QSOX1: variants seen among roughly 807,000 people sequenced by gnomAD.
The protein encoded by QSOX1 is quiescin sulfhydryl oxidase 1.
QSOX1 carries 40 observed loss-of-function variants against 76.1 expected under a neutral mutation model. The ratio of observed to expected loss-of-function variants is 0.53; its 90% CI spans 0.41 to 0.68. The LOEUF (loss-of-function observed/expected upper bound fraction) is 0.68, where lower values mean the gene tolerates loss of function less well. QSOX1 is among the 30% of genes least tolerant of loss of function. The pLI, the probability that QSOX1 is intolerant of heterozygous loss-of-function variation, is 0.00. For synonymous variants in QSOX1, 392 were observed against 413.1 expected (o/e 0.95, Z 0.62); for missense variants, 931 against 974.3 (o/e 0.96, Z 0.59).
At chr1:180,159,391 C>T (rs963709660) in intron 1 of QSOX1, among the ~76,000 whole-genome samples, 14 of 152,206 alleles carry the variant, frequency 9.2e-5, no homozygotes, top group African/African-American at 3.4e-4. Context: ...TTTGCTTTAA[C>T]AATGGAGCAC....
intron 2 of QSOX1, among the ~76,000 whole-genome samples, chr1:180,171,303 T>C (rs930924112): frequency 2.6e-5 from 4 of 151,978 alleles, no homozygotes; most frequent in African/African-American, 4.8e-5. Flanking sequence ...GTCAAATTCA[T>C]AGGACTTGTC....
Position 180,189,557 on chromosome 1 carries a change from C to T in QSOX1, c.1023C>T (p.Phe341=), listed in dbSNP as rs1334634639. ...KKFVAVLAKY[F]PGRPLVQNFL... is the part of the protein sequence containing the mutation. ...CCGCTTGTTCCTCCCCACAGTATTT[C>T]CCTGGCCGGCCCTTAGTCCAGAACT... The change falls in exon 9 of 12, where the codon TTC becomes TTT. Residue 341 remains phenylalanine, a synonymous_variant. Coordinates refer to ENST00000367602, the MANE Select transcript of QSOX1 (RefSeq NM_002826.5). 1 of 1,599,390 alleles carries T rather than the reference C, an allele frequency of 6.3e-7. No homozygotes were observed. The highest frequency in any genetic ancestry group is 8.5e-7 in the Non-Finnish European group (1 of 1,170,558).
rs1240957113 is a variant in QSOX1, at chr1:180,166,513, C to T, written c.288C>T (p.Leu96=). The T allele has an allele frequency of 1.2e-6, 2 of 1,614,062 alleles. No homozygotes were observed. The highest frequency in any genetic ancestry group is 8.5e-7 in the Non-Finnish European group (1 of 1,179,996). Reference sequence around the variant, plus strand: ...CAGCCTGGAGGCCGGCCCTGTATCTCGCCGCCCTGGACTGTGCTGAGGAGA... The same window carrying T: ...CAGCCTGGAGGCCGGCCCTGTATCTTGCCGCCCTGGACTGTGCTGAGGAGA... The part of the protein sequence containing the change: ...DVKAWRPALY[L]AALDCAEETN... Residue 96 remains leucine (L), a synonymous_variant, in exon 2 of 12, where the codon CTC becomes CTT. Transcript: ENST00000367602.
chr1:180,183,091 G>T (rs1244105721), intron 6 of QSOX1, among the ~76,000 whole-genome samples: 1 of 152,170 alleles, frequency 6.6e-6, no homozygotes, highest in Non-Finnish European at 1.5e-5. Context: ...AAGTGCCAGT[G>T]ATGGTGGGGA....
intron 1 of QSOX1, among the ~76,000 whole-genome samples, chr1:180,164,167 C>G (rs985928110): frequency 1.3e-5 from 2 of 152,156 alleles, no homozygotes; most frequent in African/African-American, 2.4e-5. Flanking sequence ...ACCATACCTG[C>G]CTTTGTGCAG....
chr1:180,179,661 C>G (rs1229280592), intron 5 of QSOX1, among the ~76,000 whole-genome samples: 1 of 152,242 alleles, frequency 6.6e-6, no homozygotes, highest in African/African-American at 2.4e-5. Context: ...GTGGGACGTG[C>G]CAGTGCACGG....
chr1:180,175,940 C>T lies in QSOX1; in HGVS notation c.422C>T (p.Ala141Val), dbSNP rs757492307. The change falls in exon 4 of 12, where the codon GCT becomes GTT. Residue 141 changes from alanine to valine, a missense_variant. Physicochemically the swap from Ala to Val is moderately conservative, Grantham distance 64. Coordinates refer to ENST00000367602, the MANE Select transcript of QSOX1 (RefSeq NM_002826.5). Reference sequence around the variant, plus strand: ...CTGTTTTCATTTACAGTGGCTGGTGCTGACGTGCAGACACTGCGGGAGAGG... The same window carrying T: ...CTGTTTTCATTTACAGTGGCTGGTGTTGACGTGCAGACACTGCGGGAGAGG... ...GSGAVFPVAG[A>V]DVQTLRERLI... is the part of the protein sequence containing the mutation. 1 of 1,591,180 alleles carries T rather than the reference C, an allele frequency of 6.3e-7. No individual in the cohort carries two copies. The highest frequency in any genetic ancestry group is 8.6e-7 in the Non-Finnish European group (1 of 1,169,474).
chr1:180,167,464 G>A (rs1001249237), intron 2 of QSOX1, among the ~76,000 whole-genome samples: 1 of 152,186 alleles, frequency 6.6e-6, no homozygotes, highest in African/African-American at 2.4e-5. Context: ...TCTGAGCTGG[G>A]GGTAGGGGCA....
At chr1:180,192,915 G>C (rs1363516065) in intron 10 of QSOX1, among the ~76,000 whole-genome samples, 2 of 152,278 alleles carry the variant, frequency 1.3e-5, no homozygotes, top group Non-Finnish European at 2.9e-5. Flanking sequence ...GAGGCTGAAC[G>C]GGGGAGGCCA....
intron 1 of QSOX1, among the ~76,000 whole-genome samples, chr1:180,164,724 C>G (rs1331485236): frequency 6.6e-6 from 1 of 152,126 alleles, no homozygotes; most frequent in Non-Finnish European, 1.5e-5. Context: ...TCTGAGACGT[C>G]GTAAGGAGTA....
intron 2 of QSOX1, among the ~76,000 whole-genome samples, chr1:180,170,040 G>A (rs1662725548): frequency 6.6e-6 from 1 of 152,196 alleles, no homozygotes; most frequent in Non-Finnish European, 1.5e-5. Flanking sequence ...AGGGCGAGGT[G>A]GCGTGTTGAG....
At position 180,199,975 on chromosome 1, in the gene QSOX1, C is replaced by G. The variant is rs1389978368; in HGVS notation, c.*2938C>G. The stretch of plus-strand genomic sequence containing the variant: ...GAAGACCCCTGATGCAGCCTGTCCT[C>G]TGGGTGTGGGGGTGGAGGAGAGGGC... On this transcript the variant is annotated 3_prime_UTR_variant, in exon 12 of 12. Transcript: ENST00000367602. 6.6e-6 allele frequency: 1 copy of G among 151,736 alleles called. No homozygotes were observed. The highest frequency in any genetic ancestry group is 2.0e-4 in the East Asian group (1 of 5,116). 9.4% of individuals were successfully genotyped at this position (151,736 alleles called of 1,614,324 possible). A position where few individuals can be genotyped will look rare whatever the true frequency, so the allele number is the denominator to read the frequency against.
At chr1:180,170,782 G>T (rs998837595) in intron 2 of QSOX1, among the ~76,000 whole-genome samples, 1 of 152,210 alleles carries the variant, frequency 6.6e-6, no homozygotes, top group Non-Finnish European at 1.5e-5. Context: ...ATTTCCGCAT[G>T]GGCTTCCAGC....
In QSOX1 at chr1:180,196,354, G is replaced by A. The variant is rs777266980; in HGVS notation, c.1561G>A (p.Val521Met). The A allele has an allele frequency of 1.4e-5, 23 of 1,614,028 alleles. No homozygotes were observed. The highest frequency in any genetic ancestry group is 7.7e-5 in the South Asian group (7 of 91,074). ...CCACAATGAACGCCTGGATGTGCCC[G>A]TGTGGGACGTGGAAGCCACCCTCAA... ...ACHNERLDVP[V>M]WDVEATLNFL... The change falls in exon 12 of 12, where the codon GTG (valine) becomes ATG (methionine). Residue 521 changes from valine (V) to methionine (M), a missense_variant. Transcript: ENST00000367602. This position sits in a 1 kb window ranked among gnomAD's most constrained non-coding sequence, Gnocchi z 4.1.
intron 2 of QSOX1, among the ~76,000 whole-genome samples, chr1:180,173,754 G>T (rs1662815111): frequency 6.6e-6 from 1 of 152,134 alleles, no homozygotes. Flanking sequence ...GGAGGGAAGG[G>T]GATGCTGGTG....
At chr1:180,178,073 A>G (rs1238631766) in intron 4 of QSOX1, among the ~76,000 whole-genome samples, 1 of 152,088 alleles carries the variant, frequency 6.6e-6, no homozygotes, top group Admixed American at 6.5e-5. Context: ...ACAGTTCCAG[A>G]CTTATAGCTG....
intron 1 of QSOX1, among the ~76,000 whole-genome samples, chr1:180,165,404 T>G (rs1046735387): frequency 2.0e-5 from 3 of 152,254 alleles, no homozygotes; most frequent in Non-Finnish European, 2.9e-5. Flanking sequence ...CAGTCTGGTC[T>G]CTTCTTGCTC....
In QSOX1 at chr1:180,200,100, C is replaced by G. The variant is rs958161773; in HGVS notation, c.*3063C>G. ...TGGGTCAGGGTGGGGTCAAGTCCAGCCTTGAAGAGAATGGACTCTGGAATC... is the reference window on the plus strand; with the variant it reads ...TGGGTCAGGGTGGGGTCAAGTCCAGGCTTGAAGAGAATGGACTCTGGAATC... On this transcript the variant is annotated 3_prime_UTR_variant, in exon 12 of 12. Coordinates refer to ENST00000367602, the MANE Select transcript of QSOX1 (RefSeq NM_002826.5). The G allele has an allele frequency of 2.0e-5, 3 of 152,168 alleles. No homozygotes were observed. Among genetic ancestry groups the G allele is most frequent in the Non-Finnish European group, 4.4e-5 (3 of 68,028 alleles). 9.4% of individuals were successfully genotyped at this position (152,168 alleles called of 1,614,324 possible).
rs375873436 is a variant in QSOX1 at position 180,186,033 on chromosome 1, A to G, written c.888-20A>G. The G allele has an allele frequency of 2.2e-5, 36 of 1,612,098 alleles. No individual in the cohort carries two copies. The highest frequency in any genetic ancestry group is 1.6e-4 in the Middle Eastern group (1 of 6,080). On this transcript the variant is annotated intron_variant, in intron 7 of 11. Coordinates refer to ENST00000367602, the MANE Select transcript of QSOX1 (RefSeq NM_002826.5). ...ATGGTTAATACTTCTTTCTCTCTCT[A>G]TCTCCCTCTGGGTCCTCAGCTCCAA... is the stretch of plus-strand genomic sequence containing the variant.
Sources: gnomAD v4.1 joint callset for allele counts (sites outside exome capture counted in the v4.1 genomes callset) on GRCh38, gnomAD v4.1.1 for gene constraint, Gnocchi (gnomAD v3.1) non-coding constraint, MANE v1.5 for transcripts, NCBI Gene and HGNC (gene_info 2026-07-23, HGNC 2026-07-21) for gene names.